Variants in CAPZB observed in about 807,000 individuals in gnomAD.
The protein encoded by CAPZB is capping actin protein of muscle Z-line subunit beta.
Under a neutral mutation model 38.1 loss-of-function variants are expected in CAPZB, and 2 were observed. The observed-to-expected ratio is 0.05, with a 90% confidence interval of 0.02 to 0.17. The LOEUF is 0.17. Among genes scored for constraint, CAPZB ranks in the 10% least tolerant of loss-of-function variants. CAPZB has a pLI of 1.00. For missense variants in CAPZB, 161 were observed against 334.2 expected (o/e 0.48, Z 4.04); for synonymous variants, 107 against 127.4 (o/e 0.84, Z 1.08).
chr1:19,456,599 A>G (rs1220670436), intron 1 of CAPZB, among the ~76,000 whole-genome samples: 1 of 152,132 alleles, frequency 6.6e-6, no homozygotes, highest in African/African-American at 2.4e-5. Flanking sequence ...CCGTACAGAA[A>G]AAAATTCAGA....
chr1:19,464,159 C>T (rs1364111183), intron 1 of CAPZB, among the ~76,000 whole-genome samples: 1 of 150,804 alleles, frequency 6.6e-6, no homozygotes, highest in East Asian at 2.0e-4. Context: ...TGCACTCCAG[C>T]CTGGGCAACA....
At chr1:19,445,047 T>A (rs2100661101) in intron 1 of CAPZB, among the ~76,000 whole-genome samples, 1 of 152,276 alleles carries the variant, frequency 6.6e-6, no homozygotes, top group South Asian at 2.1e-4. Context: ...CTGGCCTTTT[T>A]AAAATTTTTT....
At chr1:19,344,225 T>G (rs1421158960) in intron 8 of CAPZB, 133 bp downstream of exon 8, 4 of 689,394 alleles carry the variant, frequency 5.8e-6, no homozygotes, top group Admixed American at 2.4e-5. Flanking sequence ...AACATAATGA[T>G]CATCCCAGAA....
In CAPZB at chr1:19,480,357, C is replaced by A. The variant is rs2100816308; in HGVS notation, c.3+5079G>T. Among the ~76,000 whole-genome samples the A allele has an allele frequency of 2.6e-5, 4 of 152,278 alleles. No individual in the cohort carries two copies. In the South Asian group the frequency reaches 8.3e-4, roughly 32 times the overall value. Reference sequence around the variant, plus strand: ...AAAATGTTATCCTCATGCGACGGAACAGGAAAACTGAGACCAAGGGAATTA... The same window carrying A: ...AAAATGTTATCCTCATGCGACGGAAAAGGAAAACTGAGACCAAGGGAATTA... On this transcript the variant is annotated intron_variant, in intron 1 of 8. Coordinates refer to ENST00000264202, the MANE Select transcript of CAPZB (RefSeq NM_004930.5).
intron 1 of CAPZB, among the ~76,000 whole-genome samples, chr1:19,482,437 G>C (rs1439579386): frequency 1.3e-5 from 2 of 152,212 alleles, no homozygotes; most frequent in East Asian, 3.8e-4. Flanking sequence ...CTGTGAGCTG[G>C]AGCAGCAATT....
At chr1:19,456,022 C>G (rs1479293110) in intron 1 of CAPZB, among the ~76,000 whole-genome samples, 1 of 152,230 alleles carries the variant, frequency 6.6e-6, no homozygotes, top group East Asian at 1.9e-4. Flanking sequence ...AGCGGTTCTC[C>G]TGCCTCAGCC....
intron 3 of CAPZB, among the ~76,000 whole-genome samples, chr1:19,381,643 C>T (rs2094175367): frequency 6.6e-6 from 1 of 151,278 alleles, no homozygotes; most frequent in African/African-American, 2.4e-5. Context: ...GAACATGGTC[C>T]ACTGTACAGG....
At chr1:19,446,529 C>T (rs1206522567) in intron 1 of CAPZB, among the ~76,000 whole-genome samples, 2 of 152,054 alleles carry the variant, frequency 1.3e-5, no homozygotes, top group East Asian at 1.9e-4. Context: ...ATGTCAAAAG[C>T]GTTTAAAATA....
chr1:19,403,489 G>C (rs2094314153), intron 2 of CAPZB, among the ~76,000 whole-genome samples: 1 of 152,244 alleles, frequency 6.6e-6, no homozygotes, highest in Non-Finnish European at 1.5e-5. Flanking sequence ...ACAGGCCTGG[G>C]AGTGTGCAAG....
intron 2 of CAPZB, among the ~76,000 whole-genome samples, chr1:19,407,909 C>T (rs1485257309): frequency 1.3e-5 from 2 of 152,174 alleles, no homozygotes; most frequent in Admixed American, 1.3e-4. Context: ...ACCCTTATCT[C>T]TGCAGAATGG....
intron 4 of CAPZB, among the ~76,000 whole-genome samples, chr1:19,358,747 G>A (rs1244797934): frequency 1.3e-5 from 2 of 152,224 alleles, no homozygotes; most frequent in Admixed American, 6.5e-5. Flanking sequence ...CTCTCGTGGT[G>A]AGCACATCTT....
At chr1:19,469,429 A>G (rs1322893218) in intron 1 of CAPZB, among the ~76,000 whole-genome samples, 1 of 152,236 alleles carries the variant, frequency 6.6e-6, no homozygotes, top group African/African-American at 2.4e-5. Context: ...AAATTAATAA[A>G]TAACAGTTCT....
intron 1 of CAPZB, among the ~76,000 whole-genome samples, chr1:19,429,659 A>T (rs2094435854): frequency 6.6e-6 from 1 of 152,222 alleles, no homozygotes; most frequent in African/African-American, 2.4e-5. Context: ...CACATGGCTT[A>T]TCTGCCAGGA....
chr1:19,445,825 C>G (rs1343662411), intron 1 of CAPZB, among the ~76,000 whole-genome samples: 1 of 152,182 alleles, frequency 6.6e-6, no homozygotes, highest in Non-Finnish European at 1.5e-5. Flanking sequence ...CAAAACCGCA[C>G]TGTACACTTA....
intron 6 of CAPZB, among the ~76,000 whole-genome samples, chr1:19,353,362 G>A (rs1017238201): frequency 6.6e-6 from 1 of 152,156 alleles, no homozygotes; most frequent in African/African-American, 2.4e-5. Flanking sequence ...TAAGGACTGT[G>A]TAAGGAGGAA....
intron 1 of CAPZB, among the ~76,000 whole-genome samples, chr1:19,434,418 TA>T (rs202085180): frequency 6.8e-6 from 1 of 146,554 alleles, no homozygotes; most frequent in Non-Finnish European, 1.5e-5. Context: ...TTCAATTAAA[TA>T]AAAAAAAAAC....
At chr1:19,457,104 C>T (rs1331196488) in intron 1 of CAPZB, among the ~76,000 whole-genome samples, 1 of 152,186 alleles carries the variant, frequency 6.6e-6, no homozygotes, top group Non-Finnish European at 1.5e-5. Flanking sequence ...CTTGTTGGAA[C>T]TAAAGCACAG....
At chr1:19,372,769 G>A (rs1052895027) in intron 4 of CAPZB, among the ~76,000 whole-genome samples, 3 of 152,188 alleles carry the variant, frequency 2.0e-5, no homozygotes, top group Non-Finnish European at 4.4e-5. Context: ...CCGCTCGGCT[G>A]TCTTCCCCTC....
intron 3 of CAPZB, 48 bp downstream of exon 3, chr1:19,385,457 C>A (rs753816004): frequency 1.2e-6 from 2 of 1,608,196 alleles, no homozygotes; most frequent in Non-Finnish European, 8.5e-7. Flanking sequence ...CCTACGGCAG[C>A]CCGCGTGTGC....
Sources: allele counts gnomAD v4.1 joint callset (sites outside exome capture counted in the v4.1 genomes callset), GRCh38; gene constraint gnomAD v4.1.1; transcripts MANE v1.5; gene names NCBI Gene and HGNC (gene_info 2026-07-23, HGNC 2026-07-21).